CTNNA3: variants seen among roughly 807,000 people sequenced by gnomAD.
CTNNA3 encodes the protein catenin alpha 3, also known as catenin alpha-3.
In CTNNA3, 76 loss-of-function variants were observed where a neutral mutation model predicts 95.7. The ratio of observed to expected loss-of-function variants is 0.79; its 90% CI spans 0.66 to 0.96. CTNNA3 has a LOEUF of 0.96. CTNNA3 is among the 40% of genes least tolerant of loss of function. The probability of loss-of-function intolerance (pLI) is 0.00; values close to 1 mark genes in which losing one functional copy is unlikely to be tolerated. For missense variants in CTNNA3, 1,191 were observed against 1,089.8 expected (o/e 1.09, Z -1.31); for synonymous variants, 431 against 374.4 (o/e 1.15, Z -1.74).
chr10:67,134,907 G>A lies in CTNNA3; in HGVS notation c.1047+45410C>T, dbSNP rs59085531. On this transcript the variant is annotated intron_variant, in intron 7 of 17. Transcript: ENST00000433211. ...TGTAGACACAGAAGTAAAAGGCAAG[G>A]TGAGTGATTGCCCACTACCACCGCT... Among the ~76,000 whole-genome samples, 1,366 of 152,164 alleles carry A rather than the reference G, an allele frequency of 9.0e-3. 28 individuals are homozygous for A. Among genetic ancestry groups the A allele is most frequent in the African/African-American group, 0.031 (1,301 of 41,520 alleles).
chr10:66,708,774 G>A (rs934407090), intron 9 of CTNNA3, among the ~76,000 whole-genome samples: 4 of 152,064 alleles, frequency 2.6e-5, no homozygotes, highest in Non-Finnish European at 4.4e-5. Context: ...GAAATCCCTC[G>A]TAAGGTTGTA....
chr10:66,030,771 A>G lies in CTNNA3; in HGVS notation c.2159+38537T>C, dbSNP rs139179500. Among the ~76,000 whole-genome samples the G allele has an allele frequency of 4.4e-3, 667 of 152,290 alleles. 1 individual carries two copies. The highest frequency in any genetic ancestry group is 7.8e-3 in the Non-Finnish European group (529 of 68,014). ...AAATTACCAACAGATAACCTACAGAATGGAGTAAAATATTCAAAAATTATG... is the reference window on the plus strand; with the variant it reads ...AAATTACCAACAGATAACCTACAGAGTGGAGTAAAATATTCAAAAATTATG... On this transcript the variant is annotated intron_variant, in intron 15 of 17. Coordinates refer to ENST00000433211, the MANE Select transcript of CTNNA3 (RefSeq NM_013266.4).
At chr10:66,529,563 C>G (rs1466079540) in intron 10 of CTNNA3, among the ~76,000 whole-genome samples, 2 of 151,364 alleles carry the variant, frequency 1.3e-5, no homozygotes, top group Non-Finnish European at 2.9e-5. Flanking sequence ...CTTCACCTTC[C>G]TTTTGATGTG....
At chr10:66,013,520 T>C (rs1293446252) in intron 15 of CTNNA3, among the ~76,000 whole-genome samples, 2 of 152,226 alleles carry the variant, frequency 1.3e-5, no homozygotes, top group African/African-American at 2.4e-5. Context: ...TGTACACACA[T>C]ACACACATCA....
intron 5 of CTNNA3, among the ~76,000 whole-genome samples, chr10:67,231,512 A>G (rs1449391773): frequency 2.0e-5 from 3 of 152,198 alleles, no homozygotes; most frequent in Non-Finnish European, 4.4e-5. Flanking sequence ...ATCCACACCA[A>G]AAACCCATCT....
At chr10:66,433,409 GC>G (rs1196837616) in intron 11 of CTNNA3, among the ~76,000 whole-genome samples, 5 of 152,160 alleles carry the variant, frequency 3.3e-5, no homozygotes, top group Non-Finnish European at 5.9e-5. Context: ...GTGATAACAA[GC>G]TTTTTTTCAT....
chr10:67,110,808 ATC>A lies in CTNNA3; in HGVS notation c.1047+69507_1047+69508del, dbSNP rs536091179. Among the ~76,000 whole-genome samples, 621 of 152,318 alleles carry A rather than the reference ATC, an allele frequency of 4.1e-3. 3 individuals carry two copies. The highest frequency in any genetic ancestry group is 0.014 in the African/African-American group (575 of 41,588). ...TTACTCAAAATCCTGCCTTGAAAAT[ATC>A]TGTTATAATTTTTAAAAAAAGAAAA... On this transcript the variant is annotated intron_variant, in intron 7 of 17. Coordinates refer to ENST00000433211, the MANE Select transcript of CTNNA3 (RefSeq NM_013266.4).
At chr10:67,560,422 C>T (rs1424229855) in intron 3 of CTNNA3, among the ~76,000 whole-genome samples, 1 of 152,138 alleles carries the variant, frequency 6.6e-6, no homozygotes, top group African/African-American at 2.4e-5. Flanking sequence ...AAATACTTTA[C>T]AGACAAGCAA....
chr10:66,190,512 T>C (rs1289111410), intron 13 of CTNNA3, among the ~76,000 whole-genome samples: 2 of 152,130 alleles, frequency 1.3e-5, no homozygotes, highest in African/African-American at 4.8e-5. Context: ...ATCTATTTAG[T>C]AGATTAATTA....
chr10:66,503,868 G>C (rs1021227083), intron 11 of CTNNA3, among the ~76,000 whole-genome samples: 1 of 152,064 alleles, frequency 6.6e-6, no homozygotes, highest in Non-Finnish European at 1.5e-5. Context: ...ATTTTAGTAA[G>C]AACGATAGGC....
intron 9 of CTNNA3, among the ~76,000 whole-genome samples, chr10:66,653,307 C>T (rs1845972681): frequency 6.6e-6 from 1 of 152,016 alleles, no homozygotes; most frequent in African/African-American, 2.4e-5. Flanking sequence ...AGTATTTCTA[C>T]AGACTAACAA....
chr10:67,656,806 G>A (rs1840037473), intron 1 of CTNNA3, among the ~76,000 whole-genome samples: 1 of 152,146 alleles, frequency 6.6e-6, no homozygotes, highest in South Asian at 2.1e-4. Context: ...AAGGAGGCCA[G>A]TGTAAGCAGG....
At chr10:66,511,774 C>T (rs1293714539) in intron 11 of CTNNA3, among the ~76,000 whole-genome samples, 1 of 151,812 alleles carries the variant, frequency 6.6e-6, no homozygotes, top group Admixed American at 6.6e-5. Context: ...TTGTTTTGGG[C>T]CTAACATAGG....
rs190625435 is a variant in CTNNA3, at chr10:67,149,595, A to G, written c.1047+30722T>C. Among the ~76,000 whole-genome samples the G allele has an allele frequency of 2.0e-5, 3 of 152,258 alleles. No individual in the cohort carries two copies. In the East Asian group the frequency reaches 5.8e-4, roughly 29 times the overall value. On this transcript the variant is annotated intron_variant, in intron 7 of 17. Coordinates refer to ENST00000433211, the MANE Select transcript of CTNNA3 (RefSeq NM_013266.4). ...GATAGACTCCGTCTCAAAAAACAAAAAGAAAGTCAAAAGAAAGGTGGTAAT... is the reference window on the plus strand; with the variant it reads ...GATAGACTCCGTCTCAAAAAACAAAGAGAAAGTCAAAAGAAAGGTGGTAAT...
intron 10 of CTNNA3, among the ~76,000 whole-genome samples, chr10:66,593,049 G>C (rs1162232957): frequency 6.6e-6 from 1 of 152,068 alleles, no homozygotes. Context: ...AAGACGGAAA[G>C]GAAAGAACAT....
At chr10:65,977,822 G>T (rs924487521) in intron 16 of CTNNA3, among the ~76,000 whole-genome samples, 5 of 151,406 alleles carry the variant, frequency 3.3e-5, no homozygotes, top group African/African-American at 9.8e-5. Context: ...TAAATAAAAC[G>T]AATTTTGCAA....
intron 10 of CTNNA3, among the ~76,000 whole-genome samples, chr10:66,536,823 A>C (rs1841675912): frequency 6.6e-6 from 1 of 152,112 alleles, no homozygotes; most frequent in African/African-American, 2.4e-5. Context: ...CGTTGCACTA[A>C]ATTATACACT....
chr10:66,005,386 C>T lies in CTNNA3; in HGVS notation c.2160-16589G>A, dbSNP rs146156629. ...AAAGCAGTCAGTTGGGATAAATTGA[C>T]GGTGTTATGGTGATTATTTCTCTAG... On this transcript the variant is annotated intron_variant, in intron 15 of 17. Coordinates refer to ENST00000433211, the MANE Select transcript of CTNNA3 (RefSeq NM_013266.4). 1.4e-4 allele frequency among the ~76,000 whole-genome samples: 21 copies of T among 152,224 alleles called. No homozygotes were observed. In the East Asian group the frequency reaches 2.5e-3, roughly 18 times the overall value.
At chr10:67,492,389 A>T (rs1200210649) in intron 5 of CTNNA3, among the ~76,000 whole-genome samples, 1 of 152,232 alleles carries the variant, frequency 6.6e-6, no homozygotes, top group Non-Finnish European at 1.5e-5. Context: ...TGAAAAGTCA[A>T]GTTAATAAAA....
Sources: gnomAD v4.1 joint callset for allele counts (sites outside exome capture counted in the v4.1 genomes callset) on GRCh38, gnomAD v4.1.1 for gene constraint, MANE v1.5 for transcripts, NCBI Gene and HGNC (gene_info 2026-07-23, HGNC 2026-07-21) for gene names.